Variants in RAD51B observed in about 807,000 individuals in gnomAD.
RAD51B encodes RAD51 paralog B.
In RAD51B, 38 loss-of-function variants were observed where a neutral mutation model predicts 42.2. The ratio of observed to expected loss-of-function variants is 0.90; its 90% CI spans 0.70 to 1.18. The LOEUF (loss-of-function observed/expected upper bound fraction) is 1.18. Ranked by LOEUF, RAD51B falls within the 50% of genes most tolerant of loss-of-function variation. The pLI is 0.00. For synonymous variants in RAD51B, 154 were observed against 145.2 expected (o/e 1.06, Z -0.43); for missense variants, 373 against 400.7 (o/e 0.93, Z 0.59).
chr14:67,949,885 AATTCTTT>A (rs1486276352), intron 7 of RAD51B, among the ~76,000 whole-genome samples: 1 of 152,186 alleles, frequency 6.6e-6, no homozygotes, highest in Non-Finnish European at 1.5e-5. Context: ...GTTGTCAATG[AATTCTTT>A]TCAAAATATT....
chr14:68,063,510 C>T (rs188400147), intron 7 of RAD51B, among the ~76,000 whole-genome samples: 153 of 152,102 alleles, frequency 1.0e-3, no homozygotes, highest in Non-Finnish European at 1.6e-3. Flanking sequence ...CCGAAGCGGG[C>T]GGAAATCATG....
chr14:68,327,880 T>C (rs906574936), intron 8 of RAD51B, among the ~76,000 whole-genome samples: 2 of 152,218 alleles, frequency 1.3e-5, no homozygotes, highest in African/African-American at 4.8e-5. Context: ...AGTATTTGTG[T>C]TTCAGAATAG....
intron 7 of RAD51B, chr14:68,069,756 G>C (rs543557377): frequency 2.3e-4 from 35 of 152,234 alleles, no homozygotes; most frequent in African/African-American, 7.9e-4. Flanking sequence ...ATGCATGCAT[G>C]TGTCTTTATG....
At chr14:67,882,387 G>A (rs1296645685) in intron 5 of RAD51B, among the ~76,000 whole-genome samples, 1 of 152,122 alleles carries the variant, frequency 6.6e-6, no homozygotes, top group African/African-American at 2.4e-5. Flanking sequence ...AGGCTTTGGG[G>A]AATCCCAGAA....
intron 9 of RAD51B, among the ~76,000 whole-genome samples, chr14:68,444,343 AATC>A (rs1327745657): frequency 6.6e-6 from 1 of 152,200 alleles, no homozygotes; most frequent in African/African-American, 2.4e-5. Flanking sequence ...CTAGAGCTCA[AATC>A]ATCATGACTT....
chr14:68,443,023 C>G (rs755716397), intron 9 of RAD51B, among the ~76,000 whole-genome samples: 118 of 152,280 alleles, frequency 7.7e-4, no homozygotes, highest in Non-Finnish European at 1.2e-3. Context: ...ACTCTCCCAG[C>G]AAAGGAGTCC....
At chr14:67,997,795 G>A (rs2075411808) in intron 7 of RAD51B, among the ~76,000 whole-genome samples, 1 of 152,012 alleles carries the variant, frequency 6.6e-6, no homozygotes, top group South Asian at 2.1e-4. Context: ...AATTTTATTT[G>A]TCTTTTTTCT....
At chr14:67,972,837 C>A (rs1427974826) in intron 7 of RAD51B, among the ~76,000 whole-genome samples, 1 of 152,076 alleles carries the variant, frequency 6.6e-6, no homozygotes, top group Non-Finnish European at 1.5e-5. Flanking sequence ...CTCTTTATCT[C>A]AAATTTTGCT....
chr14:68,556,632 G>A (rs1888860577), intron 10 of RAD51B, among the ~76,000 whole-genome samples: 1 of 152,190 alleles, frequency 6.6e-6, no homozygotes, highest in Non-Finnish European at 1.5e-5. Flanking sequence ...AAGGTTCACT[G>A]GGAAATGCAC....
downstream of RAD51B, chr14:68,596,017 CA>C (rs1890983786): frequency 3.0e-6 from 3 of 1,007,390 alleles, no homozygotes; most frequent in Admixed American, 1.8e-4. Flanking sequence ...GGGAAAAATA[CA>C]TTAAGAAAAA....
chr14:68,465,668 G>A (rs530597524), intron 9 of RAD51B, among the ~76,000 whole-genome samples: 2 of 152,166 alleles, frequency 1.3e-5, no homozygotes, highest in South Asian at 2.1e-4. Context: ...CGGGCCAGGC[G>A]TGGTGGCTCA....
chr14:68,242,726 C>T (rs1371893681), intron 7 of RAD51B, among the ~76,000 whole-genome samples: 1 of 152,200 alleles, frequency 6.6e-6, no homozygotes, highest in African/African-American at 2.4e-5. Flanking sequence ...GTACTTTTCA[C>T]ACATTATCTC....
At chr14:68,039,739 A>T (rs2076189379) in intron 7 of RAD51B, among the ~76,000 whole-genome samples, 1 of 152,212 alleles carries the variant, frequency 6.6e-6, no homozygotes, top group Non-Finnish European at 1.5e-5. Flanking sequence ...CTCTTTTGAA[A>T]ACTGTACTAC....
At chr14:68,319,293 T>G (rs1445990805) in intron 8 of RAD51B, among the ~76,000 whole-genome samples, 1 of 152,228 alleles carries the variant, frequency 6.6e-6, no homozygotes, top group Admixed American at 6.5e-5. Flanking sequence ...TATGAGTACA[T>G]CTAAAATATT....
At chr14:68,178,558 C>T (rs566374760) in intron 7 of RAD51B, among the ~76,000 whole-genome samples, 1 of 152,278 alleles carries the variant, frequency 6.6e-6, no homozygotes, top group South Asian at 2.1e-4. Flanking sequence ...CATTCCTTCT[C>T]AAATCCTTCT....
intron 8 of RAD51B, among the ~76,000 whole-genome samples, chr14:68,331,504 G>T (rs2082351999): frequency 6.7e-6 from 1 of 148,676 alleles, no homozygotes; most frequent in Non-Finnish European, 1.5e-5. Flanking sequence ...GGGCCATTTT[G>T]TTGAGTTCTA....
chr14:68,356,806 C>T, intron 8 of RAD51B, among the ~76,000 whole-genome samples: 1 of 151,644 alleles, frequency 6.6e-6, no homozygotes, highest in African/African-American at 2.4e-5. Context: ...ACGGTGAAAC[C>T]CCGTCTCTAC....
At chr14:68,452,244 C>G (rs2085575055) in intron 9 of RAD51B, among the ~76,000 whole-genome samples, 1 of 152,144 alleles carries the variant, frequency 6.6e-6, no homozygotes, top group Admixed American at 6.5e-5. Flanking sequence ...ATTTCTGTTG[C>G]TTGAAATTCC....
intron 4 of RAD51B, among the ~76,000 whole-genome samples, chr14:67,837,181 A>G (rs928126165): frequency 6.6e-6 from 1 of 152,052 alleles, no homozygotes; most frequent in Non-Finnish European, 1.5e-5. Flanking sequence ...GCACACACAC[A>G]CACATCCTCT....
Sources: allele counts gnomAD v4.1 joint callset (sites outside exome capture counted in the v4.1 genomes callset), GRCh38; gene constraint gnomAD v4.1.1; transcripts MANE v1.5; gene names NCBI Gene and HGNC (gene_info 2026-07-23, HGNC 2026-07-21).